Variants in LRMDA observed in about 807,000 individuals in gnomAD.
LRMDA encodes leucine-rich melanocyte differentiation-associated protein.
A neutral mutation model predicts 29.8 loss-of-function variants in LRMDA; 18 were observed. That is an observed-to-expected ratio of 0.60 (90% confidence interval 0.42 to 0.90). The LOEUF (loss-of-function observed/expected upper bound fraction) is 0.90, where lower values mean the gene tolerates loss of function less well. Ranked by LOEUF, LRMDA falls within the 40% of genes least tolerant of loss-of-function variation. LRMDA has a pLI of 0.00. For missense variants in LRMDA, 273 were observed against 273.9 expected, an observed-to-expected ratio of 1.00 and a Z score of 0.02; for synonymous variants, 125 against 109.4, an observed-to-expected ratio of 1.14 and a Z score of -0.89.
intron 2 of LRMDA, among the ~76,000 whole-genome samples, chr10:75,456,300 A>G (rs1844516998): frequency 6.6e-6 from 1 of 152,216 alleles, no homozygotes; most frequent in African/African-American, 2.4e-5. Context: ...TCCTGCCACA[A>G]GCATGTGCCT....
intron 6 of LRMDA, among the ~76,000 whole-genome samples, chr10:76,548,765 A>G (rs1589233553): frequency 1.3e-5 from 2 of 152,338 alleles, no homozygotes; most frequent in East Asian, 1.9e-4. Flanking sequence ...ATTAAAAGGC[A>G]TTGACATCTA....
chr10:76,312,376 G>A (rs1459033519), intron 5 of LRMDA, among the ~76,000 whole-genome samples: 2 of 152,128 alleles, frequency 1.3e-5, no homozygotes, highest in South Asian at 2.1e-4. Flanking sequence ...AGGGTCTGAT[G>A]TATTTGGGAA....
At chr10:75,925,320 G>A (rs1191898102) in intron 2 of LRMDA, among the ~76,000 whole-genome samples, 1 of 152,120 alleles carries the variant, frequency 6.6e-6, no homozygotes, top group Non-Finnish European at 1.5e-5. Flanking sequence ...GGCTGGTAAT[G>A]AACATTTTTA....
At chr10:75,475,394 GGCT>G (rs1208646453) in intron 2 of LRMDA, among the ~76,000 whole-genome samples, 1 of 113,268 alleles carries the variant, frequency 8.8e-6, no homozygotes, top group Admixed American at 7.7e-5. Flanking sequence ...AGGAGTCAGG[GGCT>G]GTTTTGGGGG....
At chr10:76,540,064 TGTA>T (rs775832683) in intron 6 of LRMDA, among the ~76,000 whole-genome samples, 22 of 151,494 alleles carry the variant, frequency 1.5e-4, no homozygotes, top group Non-Finnish European at 2.5e-4. Context: ...ACACACAACA[TGTA>T]GTATGTGTAT....
chr10:75,827,550 A>G (rs1844268293), intron 2 of LRMDA, among the ~76,000 whole-genome samples: 1 of 152,210 alleles, frequency 6.6e-6, no homozygotes, highest in African/African-American at 2.4e-5. Context: ...GAAATAGTGG[A>G]GGACAACAGA....
At chr10:76,043,943 C>G (rs1865635) in intron 3 of LRMDA, among the ~76,000 whole-genome samples, 56,428 of 151,926 alleles carry the variant, frequency 0.37, 11,657 homozygotes, top group Non-Finnish European at 0.46. Context: ...GGCTTTCCAT[C>G]TGCAGTAGAG....
chr10:76,484,885 A>T (rs775566902), intron 6 of LRMDA, among the ~76,000 whole-genome samples: 4 of 151,660 alleles, frequency 2.6e-5, no homozygotes, highest in African/African-American at 4.8e-5. Flanking sequence ...CTCTTTTACC[A>T]TTGTATAATG....
At chr10:76,467,224 G>A (rs1842573295) in intron 6 of LRMDA, among the ~76,000 whole-genome samples, 1 of 152,164 alleles carries the variant, frequency 6.6e-6, no homozygotes, top group Non-Finnish European at 1.5e-5. Context: ...GTACAGTAGG[G>A]TGAGATTACA....
At chr10:75,462,175 G>A (rs1223059557) in intron 2 of LRMDA, among the ~76,000 whole-genome samples, 1 of 152,192 alleles carries the variant, frequency 6.6e-6, no homozygotes, top group Admixed American at 6.5e-5. Context: ...CCTGTCAGGG[G>A]TGTCAGTTGA....
At chr10:76,242,990 G>A (rs571547032) in intron 5 of LRMDA, among the ~76,000 whole-genome samples, 5 of 152,206 alleles carry the variant, frequency 3.3e-5, no homozygotes, top group East Asian at 1.9e-4. Context: ...TGAATAAGTC[G>A]TTCTCCACCT....
intron 5 of LRMDA, among the ~76,000 whole-genome samples, chr10:76,106,237 A>AC (rs1849482304): frequency 1.3e-5 from 2 of 152,218 alleles, no homozygotes; most frequent in Non-Finnish European, 2.9e-5. Context: ...AAATGTGAGT[A>AC]CGTCTGACAT....
intron 2 of LRMDA, among the ~76,000 whole-genome samples, chr10:75,697,164 G>A (rs148160587): frequency 1.1e-3 from 164 of 152,192 alleles, no homozygotes; most frequent in African/African-American, 3.8e-3. Flanking sequence ...CAAATAAAAT[G>A]TTTATTGATT....
At chr10:76,219,980 A>G (rs1851800004) in intron 5 of LRMDA, among the ~76,000 whole-genome samples, 1 of 152,226 alleles carries the variant, frequency 6.6e-6, no homozygotes, top group South Asian at 2.1e-4. Context: ...AAACTGCTCA[A>G]CTACATGGAA....
intron 6 of LRMDA, among the ~76,000 whole-genome samples, chr10:76,328,481 C>A (rs1438778431): frequency 6.6e-6 from 1 of 152,212 alleles, no homozygotes; most frequent in African/African-American, 2.4e-5. Flanking sequence ...GATGGAGCAA[C>A]TCAACAACAG....
chr10:76,222,653 C>G (rs551193118), intron 5 of LRMDA, among the ~76,000 whole-genome samples: 17 of 152,304 alleles, frequency 1.1e-4, no homozygotes, highest in African/African-American at 3.6e-4. Context: ...AATAGGAACA[C>G]TTTTACACTG....
chr10:75,515,211 G>T (rs1175657052), intron 2 of LRMDA, among the ~76,000 whole-genome samples: 1 of 152,140 alleles, frequency 6.6e-6, no homozygotes, highest in Non-Finnish European at 1.5e-5. Context: ...AGTTGCCAGG[G>T]GCTGGTGGAT....
chr10:76,360,408 C>T (rs943837413), intron 6 of LRMDA, among the ~76,000 whole-genome samples: 2 of 152,114 alleles, frequency 1.3e-5, no homozygotes, highest in Non-Finnish European at 2.9e-5. Context: ...ATCTAAGATA[C>T]AGGGGCTATA....
chr10:75,898,216 G>C (rs886447526), intron 2 of LRMDA, among the ~76,000 whole-genome samples: 3 of 152,120 alleles, frequency 2.0e-5, no homozygotes, highest in Non-Finnish European at 4.4e-5. Context: ...GAAATTGCCT[G>C]TTGCTACTTA....
Sources: gnomAD v4.1 joint callset for allele counts (sites outside exome capture counted in the v4.1 genomes callset) on GRCh38, gnomAD v4.1.1 for gene constraint, MANE v1.5 for transcripts, NCBI Gene and HGNC (gene_info 2026-07-23, HGNC 2026-07-21) for gene names.